MYO18B: variants seen among roughly 807,000 people sequenced by gnomAD.
MYO18B encodes the protein unconventional myosin-XVIIIb.
In MYO18B, 204 loss-of-function variants were observed where a neutral mutation model predicts 273.0. The ratio of observed to expected loss-of-function variants is 0.75; its 90% CI spans 0.67 to 0.84. The LOEUF (loss-of-function observed/expected upper bound fraction) is 0.84. Ranked by LOEUF, MYO18B falls within the 40% of genes least tolerant of loss-of-function variation. MYO18B has a pLI of 0.00. For missense variants in MYO18B, 3,212 were observed against 3,287.6 expected, an observed-to-expected ratio of 0.98 and a Z score of 0.56; for synonymous variants, 1,330 against 1,305.7, an observed-to-expected ratio of 1.02 and a Z score of -0.40.
chr22:26,049,554 A>G, the MYO18B span, among the ~76,000 whole-genome samples: 1 of 152,306 alleles, frequency 6.6e-6, no homozygotes, highest in South Asian at 2.1e-4. Context: ...GGTGATGGTT[A>G]TTTTGCAAGC....
intron 7 of MYO18B, 63 bp downstream of exon 7, chr22:25,772,573 C>T (rs2086762925): frequency 4.0e-6 from 6 of 1,502,118 alleles, no homozygotes; most frequent in South Asian, 1.2e-5. Flanking sequence ...GGGGGGATCC[C>T]TCTGCATCTG....
chr22:25,778,318 G>A (rs962218176), intron 8 of MYO18B, among the ~76,000 whole-genome samples: 1 of 152,086 alleles, frequency 6.6e-6, no homozygotes, highest in African/African-American at 2.4e-5. Flanking sequence ...CTCAGGGAGC[G>A]CAGAGGAGGG....
chr22:25,769,886 TG>T, intron 4 of MYO18B: 1 of 551,056 alleles, frequency 1.8e-6, no homozygotes, highest in East Asian at 2.9e-5. Flanking sequence ...GACGGAGTCT[TG>T]CTCTGTCACC....
At chr22:25,995,907 C>G (rs1434326526) in intron 40 of MYO18B, among the ~76,000 whole-genome samples, 1 of 152,220 alleles carries the variant, frequency 6.6e-6, no homozygotes, top group African/African-American at 2.4e-5. Context: ...TTCCATATAA[C>G]ACCTGTCTCA....
At chr22:25,990,348 T>A (rs1319732283) in intron 39 of MYO18B, among the ~76,000 whole-genome samples, 1 of 152,046 alleles carries the variant, frequency 6.6e-6, no homozygotes, top group Admixed American at 6.5e-5. Context: ...CTGAGTGACC[T>A]CGCTGACTGA....
chr22:25,882,765 G>C lies in MYO18B; in HGVS notation c.4314+4717G>C, dbSNP rs541010938. 1.5e-3 allele frequency among the ~76,000 whole-genome samples: 224 copies of C among 152,252 alleles called. 1 individual carries two copies. The highest frequency in any genetic ancestry group is 2.1e-3 in the Admixed American group (32 of 15,296). On this transcript the variant is annotated intron_variant, in intron 25 of 43. Coordinates refer to ENST00000335473, the MANE Select transcript of MYO18B (RefSeq NM_032608.7). The stretch of plus-strand genomic sequence containing the variant: ...ATTAAAAAATTTTTAAATAGTTTTA[G>C]AGCGTACAATGGCAGTTTTTTTACA...
chr22:25,918,201 G>A (rs1402429097), intron 33 of MYO18B, among the ~76,000 whole-genome samples: 2 of 152,064 alleles, frequency 1.3e-5, no homozygotes, highest in Non-Finnish European at 2.9e-5. Context: ...TCAGCAACAC[G>A]CATTCTGTCT....
the MYO18B span, among the ~76,000 whole-genome samples, chr22:26,060,095 T>C: frequency 6.6e-6 from 1 of 152,218 alleles, no homozygotes; most frequent in Admixed American, 6.5e-5. Flanking sequence ...AAAGCATTCG[T>C]ACATCCCCAG....
intron 9 of MYO18B, among the ~76,000 whole-genome samples, chr22:25,781,095 A>G (rs1002407540): frequency 6.6e-5 from 10 of 152,188 alleles, no homozygotes; most frequent in African/African-American, 2.2e-4. Flanking sequence ...CCTACCCTTA[A>G]TCACTATTTG....
intron 34 of MYO18B, among the ~76,000 whole-genome samples, chr22:25,927,944 G>T (rs1045372818): frequency 6.6e-6 from 1 of 152,166 alleles, no homozygotes; most frequent in African/African-American, 2.4e-5. Flanking sequence ...TGAGAGAGGA[G>T]CTGGTAGCTT....
chr22:25,815,012 G>C (rs1264410160), intron 12 of MYO18B, among the ~76,000 whole-genome samples: 1 of 152,136 alleles, frequency 6.6e-6, no homozygotes, highest in Non-Finnish European at 1.5e-5. Context: ...TGAATTGCAG[G>C]GTTCATACCA....
intron 1 of MYO18B, among the ~76,000 whole-genome samples, chr22:25,749,912 C>T (rs1035373892): frequency 7.2e-5 from 11 of 152,184 alleles, no homozygotes; most frequent in African/African-American, 2.7e-4. Context: ...AGATCCAACT[C>T]TCTGCCTGGT....
intron 17 of MYO18B, among the ~76,000 whole-genome samples, chr22:25,837,194 C>T (rs530076630): frequency 5.4e-4 from 82 of 151,996 alleles, no homozygotes; most frequent in Non-Finnish European, 9.0e-4. Context: ...CAGGTGCATC[C>T]GAAAGGAGAA....
Position 25,805,650 on chromosome 22 carries a change from TC to T in MYO18B, c.2521+7554del, listed in dbSNP as rs2088438082. On this transcript the variant is annotated intron_variant, in intron 12 of 43. Coordinates refer to ENST00000335473, the MANE Select transcript of MYO18B (RefSeq NM_032608.7). ...AGTTCACACGTTTGGTTGGGTTACT[TC>T]AGTAGAGCTACCGATGACCCTGTAT... is the stretch of plus-strand genomic sequence containing the variant. Among the ~76,000 whole-genome samples, 4 of 152,286 alleles carry T rather than the reference TC, an allele frequency of 2.6e-5. No homozygotes were observed. In the South Asian group the frequency reaches 8.3e-4, roughly 32 times the overall value.
At chr22:26,063,351 T>G in the MYO18B span, among the ~76,000 whole-genome samples, 420 of 152,308 alleles carry the variant, frequency 2.8e-3, 3 homozygotes, top group African/African-American at 9.6e-3. Context: ...TTACCTCGTA[T>G]GCTGAACGCC....
At chr22:25,988,524 C>G (rs1207693910) in intron 39 of MYO18B, among the ~76,000 whole-genome samples, 1 of 152,122 alleles carries the variant, frequency 6.6e-6, no homozygotes, top group African/African-American at 2.4e-5. Flanking sequence ...CTGGTTCTCA[C>G]CTCTTCTTGC....
chr22:26,020,817 C>T (rs980878346), intron 42 of MYO18B, among the ~76,000 whole-genome samples: 3 of 152,106 alleles, frequency 2.0e-5, no homozygotes, highest in Non-Finnish European at 4.4e-5. Context: ...GCCCGGGCAC[C>T]GTGACTCACG....
At chr22:26,033,895 CT>C (rs1297988722), downstream of MYO18B, among the ~76,000 whole-genome samples, 1 of 110,242 alleles carries the variant, frequency 9.1e-6, no homozygotes, top group African/African-American at 4.5e-5. Flanking sequence ...CTTTCTTTTT[CT>C]CTTCCTCCCT....
At chr22:25,932,789 TTTTG>T (rs774697872) in intron 34 of MYO18B, among the ~76,000 whole-genome samples, 4 of 152,066 alleles carry the variant, frequency 2.6e-5, no homozygotes, top group Admixed American at 6.6e-5. Context: ...TCTTTGTGGT[TTTTG>T]TTTGTTTATT....
Sources: gnomAD v4.1 joint callset for allele counts (sites outside exome capture counted in the v4.1 genomes callset) on GRCh38, gnomAD v4.1.1 for gene constraint, MANE v1.5 for transcripts, NCBI Gene and HGNC (gene_info 2026-07-23, HGNC 2026-07-21) for gene names.